TBCD: variants seen among roughly 807,000 people sequenced by gnomAD.
TBCD encodes the protein tubulin folding cofactor D.
Under a neutral mutation model 169.3 loss-of-function variants are expected in TBCD, and 105 were observed. That is an observed-to-expected ratio of 0.62 (90% confidence interval 0.53 to 0.73). The LOEUF is 0.73. Ranked by LOEUF, TBCD falls within the 30% of genes least tolerant of loss-of-function variation. TBCD has a pLI of 0.00. For synonymous variants in TBCD, 700 were observed against 643.9 expected (o/e 1.09, Z -1.32); for missense variants, 1,444 against 1,600.1 (o/e 0.90, Z 1.66).
Position 82,923,210 on chromosome 17 carries a change from G to C in TBCD, c.2179-442G>C, listed in dbSNP as rs1485500490. On this transcript the variant is annotated intron_variant, in intron 25 of 38. Coordinates refer to ENST00000355528, the MANE Select transcript of TBCD (RefSeq NM_005993.5). The surrounding 1 kb of genome is among the most constrained non-coding windows in gnomAD (Gnocchi z 4.6). ...GAAAAATATGCTCCATTTTATTATT[G>C]TTCCATATTAGAAGACAGACATTGT... is the stretch of plus-strand genomic sequence containing the variant. 1.3e-5 allele frequency among the ~76,000 whole-genome samples: 2 copies of C among 152,296 alleles called. No homozygotes were observed. Among genetic ancestry groups the C allele is most frequent in the East Asian group, 3.9e-4 (2 of 5,188 alleles).
intron 13 of TBCD, among the ~76,000 whole-genome samples, chr17:82,824,474 C>T (rs146262364): frequency 2.8e-4 from 42 of 151,940 alleles, no homozygotes; most frequent in East Asian, 2.3e-3. Context: ...TGAGCCACCG[C>T]GCCCGACCCA....
intron 17 of TBCD, 89 bp downstream of exon 17, chr17:82,893,721 C>T (rs1400618161): frequency 6.6e-6 from 6 of 906,984 alleles, no homozygotes; most frequent in Non-Finnish European, 1.0e-5. Context: ...CTTTTTTCAT[C>T]CTGTAATGTC....
chr17:82,809,206 G>A (rs1262710917), intron 11 of TBCD, among the ~76,000 whole-genome samples: 1 of 152,078 alleles, frequency 6.6e-6, no homozygotes, highest in Non-Finnish European at 1.5e-5. Flanking sequence ...GTCCTTCCTG[G>A]AGGCCCCTGG....
At chr17:82,933,427 T>C (rs1374522727) in intron 34 of TBCD, among the ~76,000 whole-genome samples, 1 of 152,012 alleles carries the variant, frequency 6.6e-6, no homozygotes, top group East Asian at 1.9e-4. Context: ...CTAATGTTTG[T>C]ATTTTTAGTA....
intron 15 of TBCD, among the ~76,000 whole-genome samples, chr17:82,888,167 C>T (rs997466648): frequency 6.6e-6 from 1 of 152,212 alleles, no homozygotes; most frequent in Non-Finnish European, 1.5e-5. Flanking sequence ...GGTCTGGGAA[C>T]TCCACCTCGC....
Position 82,903,330 on chromosome 17 carries a change from ACTTT to A in TBCD, c.1731-70_1731-67del, listed in dbSNP as rs946569538. ...TGAGGACTCGTGTGTTGTCTCCCTC[ACTTT>A]CTTTTTATGAATTGAATAAAGCTAG... On this transcript the variant is annotated intron_variant, in intron 18 of 38. Coordinates refer to ENST00000355528, the MANE Select transcript of TBCD (RefSeq NM_005993.5). The surrounding 1 kb of genome is among the most constrained non-coding windows in gnomAD (Gnocchi z 4.8). The A allele has an allele frequency of 1.1e-5, 15 of 1,400,698 alleles. No individual in the cohort carries two copies. Among genetic ancestry groups the A allele is most frequent in the Non-Finnish European group, 1.3e-5 (13 of 1,011,602 alleles). 86.8% of individuals were successfully genotyped at this position (1,400,698 alleles called of 1,614,324 possible). A position where few individuals can be genotyped will look rare whatever the true frequency, so the allele number is the denominator to read the frequency against.
intron 34 of TBCD, among the ~76,000 whole-genome samples, chr17:82,936,017 CT>C (rs1285372251): frequency 6.6e-6 from 1 of 152,232 alleles, no homozygotes; most frequent in Non-Finnish European, 1.5e-5. Context: ...CCACTTCCTC[CT>C]TGCTTCTGTT....
chr17:82,881,459 G>A (rs975229711), intron 14 of TBCD, among the ~76,000 whole-genome samples: 1 of 152,224 alleles, frequency 6.6e-6, no homozygotes, highest in Non-Finnish European at 1.5e-5. Context: ...GGAGCAGCCA[G>A]CGGGGAGAGC....
At chr17:82,942,411 G>A (rs1373104687) in intron 38 of TBCD, 38 bp from the exon 39 acceptor site, 5 of 1,613,932 alleles carry the variant, frequency 3.1e-6, no homozygotes, top group Non-Finnish European at 4.2e-6. Flanking sequence ...GTGTGTGTTG[G>A]AGCTGACCAG....
intron 34 of TBCD, 103 bp downstream of exon 34, chr17:82,932,838 T>C: frequency 3.4e-6 from 4 of 1,185,704 alleles, no homozygotes; most frequent in Non-Finnish European, 4.9e-6. Context: ...CAGGAAATGA[T>C]CTTCCAGTGC....
At chr17:82,852,494 G>A (rs141508297) in intron 13 of TBCD, among the ~76,000 whole-genome samples, 2,694 of 152,212 alleles carry the variant, frequency 0.018, 34 homozygotes, top group Non-Finnish European at 0.026. Flanking sequence ...GGTTTCTTCC[G>A]GGTTTTCCTG....
intron 2 of TBCD, among the ~76,000 whole-genome samples, chr17:82,759,167 G>T (rs148004638): frequency 6.6e-6 from 1 of 152,162 alleles, no homozygotes; most frequent in Non-Finnish European, 1.5e-5. Flanking sequence ...GGCACAAGCT[G>T]CCATGCCTAG....
intron 14 of TBCD, among the ~76,000 whole-genome samples, chr17:82,875,485 CT>C (rs2057898822): frequency 6.6e-6 from 1 of 152,250 alleles, no homozygotes; most frequent in Non-Finnish European, 1.5e-5. Context: ...ACCTGAAACT[CT>C]TTTGTAAGCA....
intron 3 of TBCD, 127 bp from the exon 4 acceptor site, chr17:82,766,140 A>G: frequency 1.4e-6 from 1 of 736,072 alleles, no homozygotes. Context: ...GTGTCACTGT[A>G]ATGTCACAGA....
At chr17:82,815,827 GCTTTTAGAGCCTGCAGTT>G (rs2051848786) in intron 13 of TBCD, among the ~76,000 whole-genome samples, 1 of 152,102 alleles carries the variant, frequency 6.6e-6, no homozygotes, top group African/African-American at 2.4e-5. Context: ...TATGGGGAGA[GCTTTTAGAGCCTGCAGTT>G]CTTTTTTTTA....
Position 82,805,965 on chromosome 17 carries a change from T to C in TBCD, c.1041T>C (p.Asp347=). Reference sequence around the variant, plus strand: ...AGAAGCCACTCATCCTGACCGAAGATGACGACGAAGATGACGACGTCCCAG... The same window carrying C: ...AGAAGCCACTCATCCTGACCGAAGACGACGACGAAGATGACGACGTCCCAG... ...SEQKPLILTE[D]DDEDDDVPEG... The change falls in exon 10 of 39, where the codon GAT becomes GAC. Residue 347 remains aspartate, a synonymous_variant. Coordinates refer to ENST00000355528, the MANE Select transcript of TBCD (RefSeq NM_005993.5). 6.2e-7 allele frequency: 1 copy of C among 1,613,540 alleles called. No individual in the cohort carries two copies. The highest frequency in any genetic ancestry group is 8.5e-7 in the Non-Finnish European group (1 of 1,179,716).
rs1197336058 is a variant in TBCD, at chr17:82,752,104, A to G, written c.-90A>G. 2 of 1,334,686 alleles carry G rather than the reference A, an allele frequency of 1.5e-6. No homozygotes were observed. Among genetic ancestry groups the G allele is most frequent in the Non-Finnish European group, 1.9e-6 (2 of 1,033,130 alleles). The allele number at this position is 1,334,686 out of a possible 1,614,324, so 82.7% of individuals were successfully genotyped here. The stretch of plus-strand genomic sequence containing the variant: ...CCGCCTTAGCGGGCGCCTCCTTTTC[A>G]TCCCTCATCCTTCATCCCTGGCTTT... On this transcript the variant is annotated 5_prime_UTR_variant, in exon 1 of 39. Coordinates refer to ENST00000355528, the MANE Select transcript of TBCD (RefSeq NM_005993.5).
In TBCD at chr17:82,870,280, G is replaced by A. The variant is rs374149751; in HGVS notation, c.1375G>A (p.Val459Met). The change falls in exon 14 of 39, where the codon GTG (valine) becomes ATG (methionine). Residue 459 changes from valine (V) to methionine (M), a missense_variant. Val to Met is a conservative substitution (Grantham distance 21). Transcript: ENST00000355528. ...CGACGAGAAGCGGGGTGCCTGCAGC[G>A]TGGGCACCAACGTCAGGGACGCCGC... Reference protein sequence around the residue: ...TYDEKRGACSVGTNVRDAACY... With the variant: ...TYDEKRGACSMGTNVRDAACY... 7.4e-6 allele frequency: 12 copies of A among 1,613,466 alleles called. No individual in the cohort carries two copies. Among genetic ancestry groups the A allele is most frequent in the Admixed American group, 1.7e-5 (1 of 60,010 alleles).
In TBCD at chr17:82,922,386, A is replaced by C. The variant is rs954118277; in HGVS notation, c.2178+809A>C. Among the ~76,000 whole-genome samples the C allele has an allele frequency of 2.9e-5, 4 of 139,182 alleles. No homozygotes were observed. Among genetic ancestry groups the C allele is most frequent in the Non-Finnish European group, 6.3e-5 (4 of 63,984 alleles). 91.3% of individuals were successfully genotyped at this position (139,182 alleles called of 152,430 possible). A position where few individuals can be genotyped will look rare whatever the true frequency, so the allele number is the denominator to read the frequency against. ...CAAAAACAAAAACAAAAACAAAAAC[A>C]AAAAAAACCATGGTTACCAACGTTG... On this transcript the variant is annotated intron_variant, in intron 25 of 38. Transcript: ENST00000355528. This position sits in a 1 kb window ranked among gnomAD's most constrained non-coding sequence, Gnocchi z 4.1.
Sources: gnomAD v4.1 joint callset for allele counts (sites outside exome capture counted in the v4.1 genomes callset) on GRCh38, gnomAD v4.1.1 for gene constraint, Gnocchi (gnomAD v3.1) non-coding constraint, MANE v1.5 for transcripts, NCBI Gene and HGNC (gene_info 2026-07-23, HGNC 2026-07-21) for gene names.